The following PDS5B variants were observed in gnomAD, a reference collection of about 807,000 sequenced individuals.
The protein encoded by PDS5B is sister chromatid cohesion protein PDS5 homolog B.
In PDS5B, 51 loss-of-function variants were observed where a neutral mutation model predicts 184.1. The ratio of observed to expected loss-of-function variants is 0.28; its 90% CI spans 0.22 to 0.35. PDS5B has a LOEUF of 0.35. Ranked by LOEUF, PDS5B falls within the 10% of genes least tolerant of loss-of-function variation. The pLI, the probability that PDS5B is intolerant of heterozygous loss-of-function variation, is 1.00. For missense variants in PDS5B, 1,180 were observed against 1,723.3 expected (o/e 0.68, Z 5.58); for synonymous variants, 566 against 569.2 (o/e 0.99, Z 0.08).
chr13:32,741,630 T>C (rs78945915), intron 22 of PDS5B, among the ~76,000 whole-genome samples: 1 of 151,180 alleles, frequency 6.6e-6, no homozygotes, highest in South Asian at 2.1e-4. Context: ...TACCAAGATA[T>C]GAAGGCCAAA....
chr13:32,764,429 CAG>C, intron 30 of PDS5B, 58 bp from the exon 31 acceptor site: 1 of 1,042,148 alleles, frequency 9.6e-7, no homozygotes, highest in Non-Finnish European at 1.3e-6. Flanking sequence ...ACACTAGGAA[CAG>C]AAAAAGCTTG....
chr13:32,735,735 A>G (rs1953308256), intron 21 of PDS5B, among the ~76,000 whole-genome samples: 1 of 152,170 alleles, frequency 6.6e-6, no homozygotes, highest in African/African-American at 2.4e-5. Context: ...AGAGAACGAA[A>G]AAACATTGGG....
intron 17 of PDS5B, 94 bp downstream of exon 17, chr13:32,701,532 C>A: frequency 2.8e-6 from 2 of 709,006 alleles, no homozygotes; most frequent in Non-Finnish European, 4.9e-6. Context: ...TATCTAGCTA[C>A]ACATCTGTGT....
chr13:32,654,712 G>C (rs1398275459), intron 3 of PDS5B, among the ~76,000 whole-genome samples: 2 of 152,068 alleles, frequency 1.3e-5, no homozygotes, highest in Non-Finnish European at 2.9e-5. Flanking sequence ...GAAGATGCTG[G>C]TGTCTGTTCT....
intron 9 of PDS5B, among the ~76,000 whole-genome samples, chr13:32,677,586 T>C (rs1057506814): frequency 2.0e-5 from 3 of 152,112 alleles, no homozygotes; most frequent in African/African-American, 7.2e-5. Context: ...TAGGATTGAG[T>C]ACCTGAATTC....
rs187902200 is a variant in PDS5B at position 32,773,217 on chromosome 13, A to C, written c.4201A>C (p.Thr1401Pro). The change falls in exon 34 of 35, where the codon ACT (threonine) becomes CCT (proline). Residue 1401 changes from threonine to proline, a missense_variant. Transcript: ENST00000315596. ...TGTAGGACGCTCCAAACAAGCAGCTACTAAGGAAAATGATTCAAGTGAAGA... is the reference window on the plus strand; with the variant it reads ...TGTAGGACGCTCCAAACAAGCAGCTCCTAAGGAAAATGATTCAAGTGAAGA... ...VRVGRSKQAA[T>P]KENDSSEEVD... 8 of 1,613,022 alleles carry C rather than the reference A, an allele frequency of 5.0e-6. No homozygotes were observed. The Admixed American group carries it at 1.2e-4, about 24-fold the overall frequency.
intron 14 of PDS5B, among the ~76,000 whole-genome samples, chr13:32,695,403 A>T (rs1440433537): frequency 2.0e-5 from 3 of 151,924 alleles, no homozygotes; most frequent in Admixed American, 2.0e-4. Context: ...CTGTTAAATT[A>T]GTATGTTTAG....
intron 1 of PDS5B, among the ~76,000 whole-genome samples, chr13:32,621,672 AT>A (rs67595158): frequency 0.33 from 50,433 of 151,382 alleles, 8,651 homozygotes; most frequent in Non-Finnish European, 0.38. Flanking sequence ...TGTTAATTAC[AT>A]TTTTTTTTCT....
At chr13:32,703,806 T>TA (rs972665624) in intron 17 of PDS5B, among the ~76,000 whole-genome samples, 1 of 152,108 alleles carries the variant, frequency 6.6e-6, no homozygotes, top group South Asian at 2.1e-4. Context: ...ATGTACCCTT[T>TA]AAAAAAAATT....
intron 6 of PDS5B, 34 bp downstream of exon 6, chr13:32,659,314 G>T: frequency 6.8e-7 from 1 of 1,479,888 alleles, no homozygotes; most frequent in Non-Finnish European, 9.1e-7. Context: ...TGTGTCTAAT[G>T]CCCGTTAATA....
At chr13:32,726,701 G>T (rs1308535251) in intron 19 of PDS5B, among the ~76,000 whole-genome samples, 2 of 152,124 alleles carry the variant, frequency 1.3e-5, no homozygotes, top group African/African-American at 2.4e-5. Flanking sequence ...CCTAGTGTTT[G>T]TAAGGCATAT....
At chr13:32,633,936 T>A (rs1566265977) in intron 1 of PDS5B, among the ~76,000 whole-genome samples, 1 of 152,236 alleles carries the variant, frequency 6.6e-6, no homozygotes, top group Non-Finnish European at 1.5e-5. Flanking sequence ...CTTAAAGAGC[T>A]ACATTGTAAT....
At chr13:32,653,962 A>T (rs1048717572) in intron 3 of PDS5B, among the ~76,000 whole-genome samples, 1 of 152,176 alleles carries the variant, frequency 6.6e-6, no homozygotes, top group Non-Finnish European at 1.5e-5. Context: ...GTAACGAGAA[A>T]TTCTCCCTAA....
intron 13 of PDS5B, among the ~76,000 whole-genome samples, chr13:32,691,468 A>G (rs1951548520): frequency 6.6e-6 from 1 of 152,160 alleles, no homozygotes; most frequent in South Asian, 2.1e-4. Flanking sequence ...TTTTTTTACT[A>G]TTTCAAATAA....
rs548416903 is a variant in PDS5B, at chr13:32,670,251, C to G, written c.705+2407C>G. On this transcript the variant is annotated intron_variant, in intron 7 of 34. Coordinates refer to ENST00000315596, the MANE Select transcript of PDS5B (RefSeq NM_015032.4). ...TTGTTGTTTGAGACAGAGTCTTGCT[C>G]TGTCACCCAGGCTGGAGTTCAGTGG... is the stretch of plus-strand genomic sequence containing the variant. Among the ~76,000 whole-genome samples, 150 of 152,098 alleles carry G rather than the reference C, an allele frequency of 9.9e-4. 1 individual carries two copies. Among genetic ancestry groups the G allele is most frequent in the African/African-American group, 3.4e-3 (140 of 41,502 alleles).
At chr13:32,617,063 C>T (rs1163024754) in intron 1 of PDS5B, among the ~76,000 whole-genome samples, 1 of 152,120 alleles carries the variant, frequency 6.6e-6, no homozygotes, top group African/African-American at 2.4e-5. Flanking sequence ...CAAAAGAGAG[C>T]TCTCCCAGTA....
At chr13:32,592,621 C>T (rs778307461) in intron 1 of PDS5B, among the ~76,000 whole-genome samples, 5 of 152,236 alleles carry the variant, frequency 3.3e-5, no homozygotes, top group South Asian at 4.1e-4. Context: ...TTTCAGCTTT[C>T]GACTCTCCTA....
chr13:32,641,368 T>TA (rs1353520028), intron 1 of PDS5B, among the ~76,000 whole-genome samples: 1 of 152,164 alleles, frequency 6.6e-6, no homozygotes, highest in African/African-American at 2.4e-5. Context: ...ACCTTTTTCT[T>TA]ATCTCGTAAT....
chr13:32,696,868 C>A lies in PDS5B; in HGVS notation c.1566C>A (p.Val522=). The A allele has an allele frequency of 6.3e-7, 1 of 1,596,894 alleles. No homozygotes were observed. Among genetic ancestry groups the A allele is most frequent in the South Asian group, 1.1e-5 (1 of 88,672 alleles). ...LIKQPKTDAS[V]KAIFSKVMVI... ...GTGATTTACAGACAGATGCCAGTGT[C>A]AAGGCCATATTTTCAAAAGTGATGG... Residue 522 remains valine (V), a synonymous_variant, in exon 15 of 35, where the codon GTC becomes GTA. Transcript: ENST00000315596.
Sources: allele counts gnomAD v4.1 joint callset (sites outside exome capture counted in the v4.1 genomes callset), GRCh38; gene constraint gnomAD v4.1.1; transcripts MANE v1.5; gene names NCBI Gene and HGNC (gene_info 2026-07-23, HGNC 2026-07-21).